The following SLC17A5 variants were observed in gnomAD, a reference collection of about 807,000 sequenced individuals.
The protein encoded by SLC17A5 is sialin.
A neutral mutation model predicts 59.4 loss-of-function variants in SLC17A5; 47 were observed. The ratio of observed to expected loss-of-function variants is 0.79; its 90% CI spans 0.63 to 1.01. The LOEUF (loss-of-function observed/expected upper bound fraction) is 1.01, where lower values mean the gene tolerates loss of function less well. Among genes scored for constraint, SLC17A5 ranks in the 50% least tolerant of loss-of-function variants. The probability of loss-of-function intolerance (pLI) is 0.00; values close to 1 mark genes in which losing one functional copy is unlikely to be tolerated. For missense variants in SLC17A5, 522 were observed against 595.5 expected, an observed-to-expected ratio of 0.88 and a Z score of 1.28; for synonymous variants, 202 against 210.7, an observed-to-expected ratio of 0.96 and a Z score of 0.36.
At chr6:73,617,651 T>G (rs560093394) in intron 7 of SLC17A5, among the ~76,000 whole-genome samples, 1 of 150,412 alleles carries the variant, frequency 6.6e-6, no homozygotes. Context: ...TGAGACCAGC[T>G]TGGTGAACAT....
chr6:73,635,924 A>G (rs1279708664), intron 5 of SLC17A5, among the ~76,000 whole-genome samples: 1 of 152,020 alleles, frequency 6.6e-6, no homozygotes, highest in Non-Finnish European at 1.5e-5. Flanking sequence ...TATTTTGAGT[A>G]GAGATGGGGT....
intron 10 of SLC17A5, among the ~76,000 whole-genome samples, chr6:73,598,469 A>G (rs1320463176): frequency 6.6e-6 from 1 of 152,020 alleles, no homozygotes; most frequent in East Asian, 1.9e-4. Flanking sequence ...CATCTGTACT[A>G]AAAATTCAAA....
intron 9 of SLC17A5, among the ~76,000 whole-genome samples, chr6:73,603,954 G>T (rs1270461372): frequency 6.6e-6 from 1 of 151,622 alleles, no homozygotes; most frequent in Non-Finnish European, 1.5e-5. Context: ...TAAAGGAGAA[G>T]GAGGAGTTCA....
Position 73,640,040 on chromosome 6 carries a change from C to T in SLC17A5, c.526-1541G>A, listed in dbSNP as rs999130186. ...CAGCCTGGGCAACAGAGTGAGACTCCGTCTCAAAGACTAGAAAAAAATAAA... is the reference window on the plus strand; with the variant it reads ...CAGCCTGGGCAACAGAGTGAGACTCTGTCTCAAAGACTAGAAAAAAATAAA... On this transcript the variant is annotated intron_variant, in intron 3 of 10. Coordinates refer to ENST00000355773, the MANE Select transcript of SLC17A5 (RefSeq NM_012434.5). Among the ~76,000 whole-genome samples, 12 of 151,986 alleles carry T rather than the reference C, an allele frequency of 7.9e-5. No homozygotes were observed. In the South Asian group the frequency reaches 1.5e-3, roughly 18 times the overall value.
chr6:73,635,864 C>G (rs925452253), intron 5 of SLC17A5, among the ~76,000 whole-genome samples: 3 of 152,060 alleles, frequency 2.0e-5, no homozygotes, highest in Admixed American at 1.3e-4. Context: ...TCTCAGCCTC[C>G]TGAGTAGCTG....
chr6:73,604,396 C>G (rs1767299744), intron 9 of SLC17A5, among the ~76,000 whole-genome samples: 1 of 152,138 alleles, frequency 6.6e-6, no homozygotes, highest in South Asian at 2.1e-4. Context: ...GAATTAATAG[C>G]TGAAAATCTA....
intron 8 of SLC17A5, among the ~76,000 whole-genome samples, chr6:73,613,661 G>A (rs1767729121): frequency 1.3e-5 from 2 of 152,072 alleles, no homozygotes; most frequent in South Asian, 4.1e-4. Context: ...TGCGCCCAGT[G>A]AATATTATAA....
intron 1 of SLC17A5, among the ~76,000 whole-genome samples, chr6:73,644,827 T>C (rs527710894): frequency 5.9e-4 from 90 of 152,288 alleles, no homozygotes; most frequent in African/African-American, 2.1e-3. Flanking sequence ...AAAAGGTTGC[T>C]TTTTAAAAGT....
chr6:73,629,050 A>G (rs1210545414), intron 6 of SLC17A5, among the ~76,000 whole-genome samples: 1 of 152,156 alleles, frequency 6.6e-6, no homozygotes, highest in Non-Finnish European at 1.5e-5. Context: ...AAAATTGTAT[A>G]CTCTTCCTAA....
chr6:73,650,538 GA>G (rs1769811870), intron 1 of SLC17A5, among the ~76,000 whole-genome samples: 1 of 135,040 alleles, frequency 7.4e-6, no homozygotes, highest in East Asian at 2.2e-4. Flanking sequence ...AAAAGAAAAA[GA>G]AAAAAATTAG....
intron 6 of SLC17A5, among the ~76,000 whole-genome samples, chr6:73,628,177 CCAAAGTGAT>C (rs1164406072): frequency 1.3e-5 from 2 of 152,122 alleles, no homozygotes; most frequent in African/African-American, 4.8e-5. Context: ...CCTAGGCCTC[CCAAAGTGAT>C]CGGATTACAG....
At chr6:73,636,478 C>A in intron 5 of SLC17A5, 143 bp downstream of exon 5, 1 of 609,764 alleles carries the variant, frequency 1.6e-6, no homozygotes, top group Non-Finnish European at 3.0e-6. Context: ...GTAAATCATA[C>A]CAACTTGAAA....
chr6:73,633,064 C>A (rs1172025328), intron 6 of SLC17A5, among the ~76,000 whole-genome samples: 2 of 152,152 alleles, frequency 1.3e-5, no homozygotes, highest in African/African-American at 4.8e-5. Context: ...TAGTTCACTG[C>A]AACCTTGACC....
At chr6:73,647,365 A>G (rs1044787809) in intron 1 of SLC17A5, among the ~76,000 whole-genome samples, 1 of 152,224 alleles carries the variant, frequency 6.6e-6, no homozygotes, top group Admixed American at 6.5e-5. Context: ...ACTACAGTGA[A>G]AGCAGCAGTG....
chr6:73,626,145 A>C (rs748241945), intron 6 of SLC17A5, among the ~76,000 whole-genome samples: 1 of 152,210 alleles, frequency 6.6e-6, no homozygotes, highest in Non-Finnish European at 1.5e-5. Context: ...ATAACCTGAA[A>C]TAAGAAATAT....
intron 6 of SLC17A5, among the ~76,000 whole-genome samples, chr6:73,632,525 G>A (rs1391529329): frequency 2.2e-5 from 3 of 134,464 alleles, no homozygotes; most frequent in South Asian, 2.4e-4. Flanking sequence ...TTACTATACC[G>A]TTGACTTCCC....
At position 73,601,673 on chromosome 6, in the gene SLC17A5, G is replaced by A. The variant is rs1442578957; in HGVS notation, c.1260-1232C>T. ...AGCCCCCCGCCCAGCCAGATGCCCC[G>A]TCCAGGAGGGAGGTGGGGTGGTCAG... On this transcript the variant is annotated intron_variant, in intron 9 of 10. Coordinates refer to ENST00000355773, the MANE Select transcript of SLC17A5 (RefSeq NM_012434.5). Among the ~76,000 whole-genome samples, 32 of 93,970 alleles carry A rather than the reference G, an allele frequency of 3.4e-4. 4 individuals are homozygous for A. Among genetic ancestry groups the A allele is most frequent in the Non-Finnish European group, 5.4e-4 (25 of 45,900 alleles). 61.6% of individuals were successfully genotyped at this position (93,970 alleles called of 152,430 possible).
chr6:73,608,523 T>C (rs2150085015), intron 9 of SLC17A5, among the ~76,000 whole-genome samples: 1 of 152,276 alleles, frequency 6.6e-6, no homozygotes, highest in East Asian at 1.9e-4. Context: ...CAGCTGGATA[T>C]CAACTCTTGC....
chr6:73,603,283 C>A (rs1342800360), intron 9 of SLC17A5, among the ~76,000 whole-genome samples: 1 of 152,072 alleles, frequency 6.6e-6, no homozygotes. Flanking sequence ...ACACGCATGC[C>A]ATGTAGGTCA....
Sources: allele counts gnomAD v4.1 joint callset (sites outside exome capture counted in the v4.1 genomes callset), GRCh38; gene constraint gnomAD v4.1.1; transcripts MANE v1.5; gene names NCBI Gene and HGNC (gene_info 2026-07-23, HGNC 2026-07-21).